The following DSCAML1 variants were observed in gnomAD, a reference collection of about 807,000 sequenced individuals.
The protein encoded by DSCAML1 is DS cell adhesion molecule like 1.
Under a neutral mutation model 200.5 loss-of-function variants are expected in DSCAML1, and 38 were observed. The observed-to-expected ratio is 0.19, with a 90% CI of 0.15 to 0.25. DSCAML1 has a LOEUF of 0.25. Among genes scored for constraint, DSCAML1 ranks in the 10% least tolerant of loss-of-function variants. DSCAML1 has a pLI of 1.00. For missense variants in DSCAML1, 2,223 were observed against 2,858.8 expected (o/e 0.78, Z 5.07); for synonymous variants, 1,215 against 1,165.0 (o/e 1.04, Z -0.87).
At chr11:117,473,458 C>G (rs1404964479) in intron 14 of DSCAML1, among the ~76,000 whole-genome samples, 1 of 152,150 alleles carries the variant, frequency 6.6e-6, no homozygotes, top group Non-Finnish European at 1.5e-5. Context: ...GATCATGCCA[C>G]TGCACTCCAG....
At position 117,518,343 on chromosome 11, in the gene DSCAML1, G is replaced by C. The variant is rs1035189886; in HGVS notation, c.1510+123C>G. 1.4e-5 allele frequency: 19 copies of C among 1,333,088 alleles called. No individual in the cohort carries two copies. Among genetic ancestry groups the C allele is most frequent in the Non-Finnish European group, 1.9e-5 (18 of 948,728 alleles). 82.6% of individuals were successfully genotyped at this position (1,333,088 alleles called of 1,614,324 possible). The stretch of plus-strand genomic sequence containing the variant: ...AAAAGGGGACGAGAGAGGGGAGAGA[G>C]ACCTCTACTAAAATCAAAATGACGA... On this transcript the variant is annotated intron_variant, in intron 7 of 32. Coordinates refer to ENST00000651296, the MANE Select transcript of DSCAML1 (RefSeq NM_020693.4). This position sits in a 1 kb window ranked among gnomAD's most constrained non-coding sequence, Gnocchi z 6.3.
At chr11:117,799,075 GC>G (rs1475260254), upstream of DSCAML1, among the ~76,000 whole-genome samples, 1 of 152,124 alleles carries the variant, frequency 6.6e-6, no homozygotes, top group African/African-American at 2.4e-5. Context: ...GAAGCCATGA[GC>G]CTTCCCCGAG....
intron 3 of DSCAML1, among the ~76,000 whole-genome samples, chr11:117,745,696 C>T (rs558752314): frequency 6.6e-6 from 1 of 152,282 alleles, no homozygotes; most frequent in African/African-American, 2.4e-5. Flanking sequence ...AGCTTATCTG[C>T]CTGCCTCGTT....
chr11:117,649,741 T>C (rs930552508), intron 3 of DSCAML1, among the ~76,000 whole-genome samples: 1 of 152,226 alleles, frequency 6.6e-6, no homozygotes, highest in Admixed American at 6.5e-5. Context: ...ATGCAGGAAT[T>C]CCTTGGTCCT....
At chr11:117,775,458 CAGG>C (rs1194453187) in intron 3 of DSCAML1, among the ~76,000 whole-genome samples, 1 of 152,174 alleles carries the variant, frequency 6.6e-6, no homozygotes, top group Non-Finnish European at 1.5e-5. Flanking sequence ...TTACAAAAGA[CAGG>C]AGGAGCAGCT....
At chr11:117,548,741 C>G (rs1339353741) in intron 3 of DSCAML1, among the ~76,000 whole-genome samples, 1 of 152,108 alleles carries the variant, frequency 6.6e-6, no homozygotes, top group Non-Finnish European at 1.5e-5. Flanking sequence ...GGATGTAGAG[C>G]TGGAAGATTG....
intron 3 of DSCAML1, among the ~76,000 whole-genome samples, chr11:117,682,574 A>C (rs2053329982): frequency 6.6e-6 from 1 of 152,154 alleles, no homozygotes; most frequent in Non-Finnish European, 1.5e-5. Flanking sequence ...CCTACATTCT[A>C]CTGAGAGGTG....
chr11:117,503,010 C>T lies in DSCAML1; in HGVS notation c.2359+835G>A, dbSNP rs150451768. ...ATGTCTTGACATGGGGCCAGATGGA[C>T]GTGGCCCTTCTGATGTGATTCCCAG... is the stretch of plus-strand genomic sequence containing the variant. On this transcript the variant is annotated intron_variant, in intron 11 of 32. Coordinates refer to ENST00000651296, the MANE Select transcript of DSCAML1 (RefSeq NM_020693.4). The surrounding 1 kb of genome is among the most constrained non-coding windows in gnomAD (Gnocchi z 5.2). Among the ~76,000 whole-genome samples, 3 of 152,292 alleles carry T rather than the reference C, an allele frequency of 2.0e-5. No homozygotes were observed. The East Asian group carries it at 5.8e-4, about 29-fold the overall frequency.
chr11:117,698,798 C>G (rs571998980), intron 3 of DSCAML1, among the ~76,000 whole-genome samples: 1 of 152,196 alleles, frequency 6.6e-6, no homozygotes, highest in East Asian at 1.9e-4. Flanking sequence ...AAACCCTGAC[C>G]CTCTGCCCTG....
chr11:117,599,221 G>T (rs1247925611), intron 3 of DSCAML1, among the ~76,000 whole-genome samples: 1 of 152,116 alleles, frequency 6.6e-6, no homozygotes, highest in Admixed American at 6.5e-5. Context: ...CCTGTATTTT[G>T]GTTGCTACCA....
At position 117,797,127 on chromosome 11, in the gene DSCAML1, G is replaced by A. The variant is rs1019988595; in HGVS notation, c.-48C>T. 5.0e-6 allele frequency: 8 copies of A among 1,589,846 alleles called. No individual in the cohort carries two copies. Among genetic ancestry groups the A allele is most frequent in the Non-Finnish European group, 6.8e-6 (8 of 1,169,292 alleles). On this transcript the variant is annotated 5_prime_UTR_variant, in exon 1 of 33. In the 5' UTR this introduces an upstream ATG that the reference lacks. Transcript: ENST00000651296. ...CGGGGAGGTGGTCCTGTGGCCGGCC[G>A]TGCGGCAGCGCCTCTCCCCCGCTCA...
In DSCAML1 at chr11:117,428,296, C is replaced by T. The variant is rs541508985; in HGVS notation, c.*32G>A. The stretch of plus-strand genomic sequence containing the variant: ...TGGCGTGTGGGGCTGCGGCGCGGCG[C>T]GGTCCAGGCGTGGCTGCTCTTCCTG... On this transcript the variant is annotated 3_prime_UTR_variant, in exon 33 of 33. Transcript: ENST00000651296. 1.6e-5 allele frequency: 20 copies of T among 1,242,950 alleles called. No individual in the cohort carries two copies. The highest frequency in any genetic ancestry group is 8.0e-5 in the Admixed American group (4 of 49,780). 77.0% of individuals were successfully genotyped at this position (1,242,950 alleles called of 1,614,324 possible).
At position 117,465,306 on chromosome 11, in the gene DSCAML1, G is replaced by A; in HGVS notation, c.3025-124C>T. 3.7e-6 allele frequency: 5 copies of A among 1,358,286 alleles called. No homozygotes were observed. In the South Asian group the frequency reaches 7.0e-5, roughly 19 times the overall value. 84.1% of individuals were successfully genotyped at this position (1,358,286 alleles called of 1,614,324 possible). On this transcript the variant is annotated intron_variant, in intron 16 of 32. Transcript: ENST00000651296. ...CCTTCAAAGGCTCCCATCTCACTCA[G>A]AATGAAAGCCAAAGTCCTTACAATG...
At chr11:117,527,872 G>T (rs2050005740) in intron 4 of DSCAML1, among the ~76,000 whole-genome samples, 1 of 152,174 alleles carries the variant, frequency 6.6e-6, no homozygotes. Flanking sequence ...GGCTGCCTGT[G>T]GGCCACAGAA....
chr11:117,736,067 G>A (rs2054310127), intron 3 of DSCAML1, among the ~76,000 whole-genome samples: 1 of 152,150 alleles, frequency 6.6e-6, no homozygotes, highest in Admixed American at 6.5e-5. Flanking sequence ...ATCTACTGCT[G>A]CAAAACAAAT....
At chr11:117,560,785 C>A (rs1320555375) in intron 3 of DSCAML1, among the ~76,000 whole-genome samples, 1 of 152,180 alleles carries the variant, frequency 6.6e-6, no homozygotes, top group Non-Finnish European at 1.5e-5. Context: ...TCATCCTGTG[C>A]CCCCCACACC....
chr11:117,445,361 GCC>G (rs1406352471), intron 20 of DSCAML1, among the ~76,000 whole-genome samples: 1 of 152,228 alleles, frequency 6.6e-6, no homozygotes, highest in Non-Finnish European at 1.5e-5. Flanking sequence ...CCACCCTTGA[GCC>G]CTGGTGGTTG....
chr11:117,527,752 G>C (rs564093332), intron 4 of DSCAML1, among the ~76,000 whole-genome samples: 5 of 152,162 alleles, frequency 3.3e-5, no homozygotes, highest in Non-Finnish European at 7.3e-5. Context: ...TTCACTAATG[G>C]AAGCTTTCCT....
At chr11:117,762,694 C>A (rs1275507037) in intron 3 of DSCAML1, among the ~76,000 whole-genome samples, 2 of 152,060 alleles carry the variant, frequency 1.3e-5, no homozygotes, top group African/African-American at 4.8e-5. Flanking sequence ...GAAACCCCAT[C>A]TCTACTAAAA....
Sources: gnomAD v4.1 joint callset for allele counts (sites outside exome capture counted in the v4.1 genomes callset) on GRCh38, gnomAD v4.1.1 for gene constraint, Gnocchi (gnomAD v3.1) non-coding constraint, MANE v1.5 for transcripts, NCBI Gene and HGNC (gene_info 2026-07-23, HGNC 2026-07-21) for gene names.